STK10: variants seen among roughly 807,000 people sequenced by gnomAD.
STK10 encodes the protein serine/threonine kinase 10.
Under a neutral mutation model 113.8 loss-of-function variants are expected in STK10, and 78 were observed. The observed-to-expected ratio is 0.69, with a 90% CI of 0.57 to 0.83. STK10 has a LOEUF of 0.83. STK10 is among the 40% of genes least tolerant of loss of function. STK10 has a pLI of 0.00. For missense variants in STK10, 1,109 were observed against 1,280.1 expected (o/e 0.87, Z 2.04); for synonymous variants, 465 against 494.7 (o/e 0.94, Z 0.80).
chr5:172,110,652 G>A (rs568488257), intron 4 of STK10, among the ~76,000 whole-genome samples: 9 of 152,272 alleles, frequency 5.9e-5, no homozygotes, highest in East Asian at 5.8e-4. Flanking sequence ...CAGCCTGGCC[G>A]GAAGGAGGGG....
chr5:172,045,599 G>A (rs552130777), intron 18 of STK10: 1 of 340,406 alleles, frequency 2.9e-6, no homozygotes, highest in Admixed American at 4.1e-5. Flanking sequence ...AACTCTTCAG[G>A]TAACTCAGAG....
intron 18 of STK10, among the ~76,000 whole-genome samples, chr5:172,049,641 G>C (rs374505521): frequency 1.9e-4 from 29 of 152,304 alleles, no homozygotes; most frequent in African/African-American, 6.5e-4. Flanking sequence ...GCAAGCTCTA[G>C]TTTCCTGCTA....
chr5:172,169,477 G>C (rs1770626652), intron 1 of STK10, among the ~76,000 whole-genome samples: 1 of 152,100 alleles, frequency 6.6e-6, no homozygotes, highest in Non-Finnish European at 1.5e-5. Context: ...ATGAGAGGTT[G>C]GGTGAATGGA....
At chr5:172,094,175 A>C (rs888072754) in intron 8 of STK10, among the ~76,000 whole-genome samples, 15 of 151,886 alleles carry the variant, frequency 9.9e-5, no homozygotes, top group African/African-American at 3.6e-4. Flanking sequence ...TCTCCTCACT[A>C]TCTCTAATCT....
intron 2 of STK10, among the ~76,000 whole-genome samples, chr5:172,152,841 T>A (rs10223210): frequency 0.11 from 16,537 of 152,188 alleles, 1,040 homozygotes; most frequent in African/African-American, 0.16. Context: ...AGACTTAGAA[T>A]GAAAAAAAGT....
chr5:172,153,358 G>A (rs988434121), intron 2 of STK10, among the ~76,000 whole-genome samples: 1 of 151,654 alleles, frequency 6.6e-6, no homozygotes, highest in African/African-American at 2.4e-5. Context: ...TCACATTATA[G>A]TTCTACTGGT....
intron 1 of STK10, among the ~76,000 whole-genome samples, chr5:172,170,147 A>G (rs1469718887): frequency 1.5e-5 from 2 of 135,964 alleles, no homozygotes; most frequent in East Asian, 4.2e-4. Context: ...TTCAGTATGT[A>G]TTCTTAAATG....
intron 1 of STK10, among the ~76,000 whole-genome samples, chr5:172,175,231 G>A (rs1028113263): frequency 6.6e-6 from 1 of 152,104 alleles, no homozygotes; most frequent in African/African-American, 2.4e-5. Flanking sequence ...TTCCTAGGCT[G>A]GTCGTGAACT....
chr5:172,127,177 G>GAAAA (rs1769639205), intron 3 of STK10, among the ~76,000 whole-genome samples, 196 bp downstream of exon 3: 1 of 151,962 alleles, frequency 6.6e-6, no homozygotes, highest in Non-Finnish European at 1.5e-5. Flanking sequence ...GTCTCAAAAA[G>GAAAA]AGAAAGAAAG....
At chr5:172,094,274 C>T (rs1768797968) in intron 8 of STK10, among the ~76,000 whole-genome samples, 1 of 152,226 alleles carries the variant, frequency 6.6e-6, no homozygotes, top group South Asian at 2.1e-4. Context: ...TCAGTGGCCG[C>T]TCCATTCCAG....
intron 2 of STK10, among the ~76,000 whole-genome samples, chr5:172,139,107 C>G (rs1222327449): frequency 6.6e-6 from 1 of 152,166 alleles, no homozygotes; most frequent in Non-Finnish European, 1.5e-5. Flanking sequence ...GTTAAGATGT[C>G]AATACTACCC....
intron 2 of STK10, among the ~76,000 whole-genome samples, chr5:172,138,101 G>C (rs1769904507): frequency 6.6e-6 from 1 of 151,930 alleles, no homozygotes; most frequent in Admixed American, 6.6e-5. Context: ...CATCTAAATT[G>C]GAAAGGAGAA....
Position 172,104,957 on chromosome 5 carries a change from C to G in STK10, c.870+699G>C, listed in dbSNP as rs541597835. 2.0e-5 allele frequency among the ~76,000 whole-genome samples: 3 copies of G among 152,250 alleles called. No homozygotes were observed. In the South Asian group the frequency reaches 6.2e-4, roughly 32 times the overall value. ...CTGTACTGGGAGAGGGCTCTGGAAG[C>G]TTGCACCTGGCTCCCAAGACCTTTT... is the stretch of plus-strand genomic sequence containing the variant. On this transcript the variant is annotated intron_variant, in intron 7 of 18. Transcript: ENST00000176763.
At position 172,042,976 on chromosome 5, in the gene STK10, G is replaced by A. The variant is rs1261100919; in HGVS notation, c.*1906C>T. On this transcript the variant is annotated 3_prime_UTR_variant, in exon 19 of 19. Transcript: ENST00000176763. ...AGTATACAGAACCTTAACCTAGCTG[G>A]GTGCAGTAGCATGTATCTGTCGTCC... 2 of 152,158 alleles carry A rather than the reference G, an allele frequency of 1.3e-5. No individual in the cohort carries two copies. The highest frequency in any genetic ancestry group is 2.9e-5 in the Non-Finnish European group (2 of 68,028). 9.4% of individuals were successfully genotyped at this position (152,158 alleles called of 1,614,324 possible). A position where few individuals can be genotyped will look rare whatever the true frequency, so the allele number is the denominator to read the frequency against.
intron 1 of STK10, among the ~76,000 whole-genome samples, chr5:172,166,122 G>A (rs2113828087): frequency 6.6e-6 from 1 of 152,308 alleles, no homozygotes; most frequent in Admixed American, 6.5e-5. Context: ...GAAGTTATCA[G>A]GACAGCAGCT....
At chr5:172,128,041 C>T (rs1769662573) in intron 2 of STK10, among the ~76,000 whole-genome samples, 1 of 152,178 alleles carries the variant, frequency 6.6e-6, no homozygotes, top group Non-Finnish European at 1.5e-5. Context: ...TCATCATACA[C>T]CTACTCCACA....
At chr5:172,163,029 C>T (rs182737814) in intron 1 of STK10, among the ~76,000 whole-genome samples, 12 of 152,278 alleles carry the variant, frequency 7.9e-5, no homozygotes, top group Admixed American at 1.3e-4. Context: ...GTAGGAACCA[C>T]GGACCAAAAA....
At chr5:172,164,187 G>A (rs372687156) in intron 1 of STK10, among the ~76,000 whole-genome samples, 5 of 145,188 alleles carry the variant, frequency 3.4e-5, no homozygotes, top group African/African-American at 7.7e-5. Flanking sequence ...ACTCCAGCCC[G>A]GGCAACAAGA....
In STK10 at chr5:172,187,306, CCCCCTCTGACCAG is replaced by C. The variant is rs1185163854; in HGVS notation, c.156+568_156+580del. 1.3e-5 allele frequency among the ~76,000 whole-genome samples: 2 copies of C among 152,066 alleles called. No individual in the cohort carries two copies. The highest frequency in any genetic ancestry group is 2.9e-5 in the Non-Finnish European group (2 of 68,030). ...CTCAGCATTCACCAGATCCTGACCT[CCCCCTCTGACCAG>C]CCCCAACCCACCTTTCCAAGCCCCA... On this transcript the variant is annotated intron_variant, in intron 1 of 18. Coordinates refer to ENST00000176763, the MANE Select transcript of STK10 (RefSeq NM_005990.4). This position sits in a 1 kb window ranked among gnomAD's most constrained non-coding sequence, Gnocchi z 4.6.
Sources: gnomAD v4.1 joint callset for allele counts (sites outside exome capture counted in the v4.1 genomes callset) on GRCh38, gnomAD v4.1.1 for gene constraint, Gnocchi (gnomAD v3.1) non-coding constraint, MANE v1.5 for transcripts, NCBI Gene and HGNC (gene_info 2026-07-23, HGNC 2026-07-21) for gene names.